Variants in RGS6 observed in about 807,000 individuals in gnomAD.
RGS6 encodes regulator of G protein signaling 6, also known as regulator of G-protein signaling 6.
A neutral mutation model predicts 78.5 loss-of-function variants in RGS6; 30 were observed. The observed-to-expected ratio is 0.38, with a 90% CI of 0.29 to 0.52. The LOEUF (loss-of-function observed/expected upper bound fraction) is 0.52. RGS6 is among the 20% of genes least tolerant of loss of function. The pLI, the probability that RGS6 is intolerant of heterozygous loss-of-function variation, is 0.85. For synonymous variants in RGS6, 206 were observed against 206.0 expected (o/e 1.00, Z 0.00); for missense variants, 495 against 609.7 (o/e 0.81, Z 1.98).
At chr14:72,227,907 G>A (rs1599906851) in intron 2 of RGS6, among the ~76,000 whole-genome samples, 1 of 152,138 alleles carries the variant, frequency 6.6e-6, no homozygotes, top group Non-Finnish European at 1.5e-5. Context: ...TTATGTGCCA[G>A]TAATTACAAT....
intron 3 of RGS6, among the ~76,000 whole-genome samples, chr14:72,365,886 C>T (rs1266433500): frequency 2.0e-5 from 3 of 152,006 alleles, no homozygotes; most frequent in African/African-American, 7.2e-5. Context: ...GACACAAGAT[C>T]AGTCTTGATT....
At chr14:71,886,916 C>T in the RGS6 span, among the ~76,000 whole-genome samples, 1 of 152,130 alleles carries the variant, frequency 6.6e-6, no homozygotes, top group Non-Finnish European at 1.5e-5. Context: ...CTTTGGGAGG[C>T]CGAGGCGGGT....
chr14:71,873,991 A>G, the RGS6 span, among the ~76,000 whole-genome samples: 1 of 151,982 alleles, frequency 6.6e-6, no homozygotes, highest in Non-Finnish European at 1.5e-5. Flanking sequence ...GTTCTGTTCC[A>G]TTGGTCTATA....
the RGS6 span, among the ~76,000 whole-genome samples, chr14:71,914,801 C>T: frequency 6.6e-6 from 1 of 151,776 alleles, no homozygotes; most frequent in African/African-American, 2.4e-5. Context: ...AAATGCTTTA[C>T]TTCTATTTGT....
At chr14:72,211,782 A>C (rs2153765722) in intron 2 of RGS6, among the ~76,000 whole-genome samples, 2 of 152,294 alleles carry the variant, frequency 1.3e-5, no homozygotes, top group African/African-American at 4.8e-5. Flanking sequence ...CCAGAGGAAA[A>C]AAGAAGAGGG....
At chr14:72,504,712 C>G (rs1435081235) in intron 13 of RGS6, among the ~76,000 whole-genome samples, 1 of 149,804 alleles carries the variant, frequency 6.7e-6, no homozygotes, top group African/African-American at 2.5e-5. Context: ...TTCCTCTCCC[C>G]TCCTCTCCCC....
intron 2 of RGS6, among the ~76,000 whole-genome samples, chr14:72,280,336 A>G (rs1013168747): frequency 6.6e-6 from 1 of 152,234 alleles, no homozygotes; most frequent in African/African-American, 2.4e-5. Context: ...TTAAAACTCT[A>G]CAAAGTAAAA....
intron 17 of RGS6, among the ~76,000 whole-genome samples, chr14:72,548,125 G>C (rs1313923015): frequency 6.6e-6 from 1 of 152,126 alleles, no homozygotes; most frequent in Non-Finnish European, 1.5e-5. Context: ...GGCAGTCTCT[G>C]AGCGGGCCAC....
chr14:72,616,599 A>G, the RGS6 span, among the ~76,000 whole-genome samples: 1 of 152,290 alleles, frequency 6.6e-6, no homozygotes, highest in South Asian at 2.1e-4. Flanking sequence ...TAAGAGTCCC[A>G]GTGTCACTCT....
chr14:72,555,255 C>G (rs2097556888), intron 17 of RGS6, among the ~76,000 whole-genome samples: 1 of 152,334 alleles, frequency 6.6e-6, no homozygotes, highest in Admixed American at 6.5e-5. Context: ...GGGCCACAAA[C>G]AGAACGGTGG....
chr14:72,109,784 T>G (rs979159729), intron 2 of RGS6, among the ~76,000 whole-genome samples: 8 of 152,202 alleles, frequency 5.3e-5, no homozygotes, highest in Non-Finnish European at 1.2e-4. Context: ...GACCCTTGCC[T>G]GTCTGGCCTA....
At position 72,489,837 on chromosome 14, in the gene RGS6, C is replaced by T. The variant is rs957133388; in HGVS notation, c.855-5315C>T. Among the ~76,000 whole-genome samples, 5 of 152,204 alleles carry T rather than the reference C, an allele frequency of 3.3e-5. No individual in the cohort carries two copies. The South Asian group carries it at 6.2e-4, about 19-fold the overall frequency. On this transcript the variant is annotated intron_variant, in intron 12 of 17. Coordinates refer to ENST00000553525, the MANE Select transcript of RGS6 (RefSeq NM_001204424.2). Reference sequence around the variant, plus strand: ...ATATCAGACTTCTAGCCTCCAAAACCGAGTATAAACTTCTGTTGTTTTAAC... The same window carrying T: ...ATATCAGACTTCTAGCCTCCAAAACTGAGTATAAACTTCTGTTGTTTTAAC...
chr14:72,297,062 T>C (rs985376038), intron 2 of RGS6, among the ~76,000 whole-genome samples: 1 of 152,192 alleles, frequency 6.6e-6, no homozygotes, highest in Non-Finnish European at 1.5e-5. Flanking sequence ...TGCTTTGATA[T>C]CTTTGTTGAA....
chr14:71,880,879 G>A, the RGS6 span, among the ~76,000 whole-genome samples: 3 of 152,188 alleles, frequency 2.0e-5, no homozygotes, highest in Admixed American at 2.0e-4. Flanking sequence ...CAGAATGGTA[G>A]ATCCACCAAC....
chr14:72,414,545 G>A lies in RGS6; in HGVS notation c.185-39983G>A, dbSNP rs75434211. On this transcript the variant is annotated intron_variant, in intron 3 of 17. Transcript: ENST00000553525. Reference sequence around the variant, plus strand: ...TTAGCTGGTAGTTTGATCTTCTGAAGCCTCCTTCTCTCAACTCGTCAAAGT... The same window carrying A: ...TTAGCTGGTAGTTTGATCTTCTGAAACCTCCTTCTCTCAACTCGTCAAAGT... 9.4e-3 allele frequency among the ~76,000 whole-genome samples: 1,439 copies of A among 152,304 alleles called. 18 individuals are homozygous for A. Among genetic ancestry groups the A allele is most frequent in the African/African-American group, 0.032 (1,348 of 41,554 alleles).
chr14:71,881,853 CTGTT>C, the RGS6 span, among the ~76,000 whole-genome samples: 33 of 152,290 alleles, frequency 2.2e-4, no homozygotes, highest in East Asian at 3.5e-3. Flanking sequence ...TTCTCTCTGT[CTGTT>C]TGTCTTTCTT....
chr14:72,059,590 A>G (rs1020908197), intron 2 of RGS6, among the ~76,000 whole-genome samples: 1 of 152,150 alleles, frequency 6.6e-6, no homozygotes, highest in African/African-American at 2.4e-5. Context: ...CAGTTAAGGC[A>G]TGTGTTACCT....
At chr14:72,385,018 G>A (rs774840175) in intron 3 of RGS6, among the ~76,000 whole-genome samples, 43 of 152,116 alleles carry the variant, frequency 2.8e-4, no homozygotes, top group Non-Finnish European at 4.6e-4. Flanking sequence ...CCAAAGTGCT[G>A]GGATTACAGG....
chr14:71,980,608 G>A (rs1219905439), intron 2 of RGS6, among the ~76,000 whole-genome samples: 2 of 77,916 alleles, frequency 2.6e-5, no homozygotes, highest in Non-Finnish European at 5.1e-5. Context: ...CTTCTGGCTT[G>A]TAGGGTTTCT....
Sources: gnomAD v4.1 joint callset for allele counts (sites outside exome capture counted in the v4.1 genomes callset) on GRCh38, gnomAD v4.1.1 for gene constraint, MANE v1.5 for transcripts, NCBI Gene and HGNC (gene_info 2026-07-23, HGNC 2026-07-21) for gene names.